Variants in PPP2R2B observed in about 807,000 individuals in gnomAD.
PPP2R2B encodes protein phosphatase 2 regulatory subunit Bbeta.
A neutral mutation model predicts 46.0 loss-of-function variants in PPP2R2B; 5 were observed. That is an observed-to-expected ratio of 0.11 (90% CI 0.06 to 0.23). PPP2R2B has a LOEUF of 0.23. PPP2R2B is among the 10% of genes least tolerant of loss of function. The pLI, the probability that PPP2R2B is intolerant of heterozygous loss-of-function variation, is 1.00. For missense variants in PPP2R2B, 367 were observed against 575.0 expected, an observed-to-expected ratio of 0.64 and a Z score of 3.70; for synonymous variants, 215 against 206.7, an observed-to-expected ratio of 1.04 and a Z score of -0.34.
intron 2 of PPP2R2B, among the ~76,000 whole-genome samples, chr5:146,869,747 G>C (rs559966290): frequency 6.6e-6 from 1 of 152,268 alleles, no homozygotes; most frequent in African/African-American, 2.4e-5. Context: ...AAGTAAGAAA[G>C]AATATAGTAT....
At chr5:146,831,068 T>C (rs1416981378) in intron 2 of PPP2R2B, among the ~76,000 whole-genome samples, 1 of 152,142 alleles carries the variant, frequency 6.6e-6, no homozygotes, top group East Asian at 1.9e-4. Flanking sequence ...GTAGAGCACA[T>C]ACCGTTATGT....
rs375880724 is a variant in PPP2R2B, at chr5:146,591,673, C to CAAA, written c.1052+1295_1052+1297dup. The stretch of plus-strand genomic sequence containing the variant: ...TTTAAACAAGTAAGAGATTATTTTC[C>CAAA]AAAAAAAAAAAAAAAAAGACTACCA... On this transcript the variant is annotated intron_variant, in intron 9 of 9. Coordinates refer to ENST00000394411, the MANE Select transcript of PPP2R2B (RefSeq NM_181675.4). 9.5e-3 allele frequency among the ~76,000 whole-genome samples: 689 copies of CAAA among 72,538 alleles called. 8 individuals carry two copies. The highest frequency in any genetic ancestry group is 0.028 in the African/African-American group (649 of 23,250). The allele number at this position is 72,538 out of a possible 152,430, so 47.6% of individuals were successfully genotyped here.
At chr5:146,617,797 C>T (rs1288201396) in intron 7 of PPP2R2B, among the ~76,000 whole-genome samples, 7 of 151,774 alleles carry the variant, frequency 4.6e-5, no homozygotes, top group Non-Finnish European at 7.4e-5. Context: ...TGGGTTCAAG[C>T]GATTCTTGTG....
At chr5:146,709,523 T>C (rs1490134404) in intron 2 of PPP2R2B, among the ~76,000 whole-genome samples, 1 of 152,336 alleles carries the variant, frequency 6.6e-6, no homozygotes. Context: ...GAAAGTCTAC[T>C]GGGGAAGCAG....
At position 146,753,623 on chromosome 5, in the gene PPP2R2B, G is replaced by A. The variant is rs115647120; in HGVS notation, c.71-52481C>T. On this transcript the variant is annotated intron_variant, in intron 2 of 9. Coordinates refer to ENST00000394411, the MANE Select transcript of PPP2R2B (RefSeq NM_181675.4). ...TTGGCAGCTTGAATGTAAGGAATTC[G>A]GTCTGATGCTCGGTTTTAAACTAAA... Among the ~76,000 whole-genome samples, 45 of 152,216 alleles carry A rather than the reference G, an allele frequency of 3.0e-4. 1 individual carries two copies. The highest frequency in any genetic ancestry group is 9.9e-4 in the African/African-American group (41 of 41,536).
chr5:146,916,132 C>T (rs574765916), intron 1 of PPP2R2B, among the ~76,000 whole-genome samples: 12 of 152,072 alleles, frequency 7.9e-5, no homozygotes, highest in African/African-American at 1.4e-4. Context: ...ATCTGACCCA[C>T]GGTTTGTACT....
intron 2 of PPP2R2B, among the ~76,000 whole-genome samples, chr5:146,722,701 C>T (rs767324155): frequency 4.6e-5 from 7 of 152,186 alleles, no homozygotes; most frequent in Non-Finnish European, 7.3e-5. Context: ...ATGAAAAAGC[C>T]TGCAATGCTG....
chr5:146,694,377 T>C (rs1779053344), intron 4 of PPP2R2B, among the ~76,000 whole-genome samples: 1 of 152,226 alleles, frequency 6.6e-6, no homozygotes, highest in Non-Finnish European at 1.5e-5. Context: ...CTTGATCAGC[T>C]GTGGCTTAGA....
At chr5:146,649,493 G>A (rs537001129) in intron 6 of PPP2R2B, among the ~76,000 whole-genome samples, 2 of 151,770 alleles carry the variant, frequency 1.3e-5, no homozygotes, top group Non-Finnish European at 2.9e-5. Context: ...CACCCAGACT[G>A]GAGTGCAGTG....
chr5:146,734,719 T>C (rs17105319), intron 2 of PPP2R2B, among the ~76,000 whole-genome samples: 13,286 of 152,176 alleles, frequency 0.087, 1,348 homozygotes, highest in African/African-American at 0.25. Flanking sequence ...TCAAATTGGA[T>C]AAAATCAATG....
intron 1 of PPP2R2B, among the ~76,000 whole-genome samples, chr5:146,963,114 C>T (rs918296696): frequency 6.6e-6 from 1 of 152,220 alleles, no homozygotes; most frequent in African/African-American, 2.4e-5. Flanking sequence ...AGCTACACCT[C>T]AAGCTCTTTG....
At chr5:146,646,101 T>C (rs1343603418) in intron 6 of PPP2R2B, among the ~76,000 whole-genome samples, 1 of 152,236 alleles carries the variant, frequency 6.6e-6, no homozygotes, top group Non-Finnish European at 1.5e-5. Context: ...TATCTCAGTT[T>C]GTAATTATAT....
rs149305421 is a variant in PPP2R2B at position 147,041,551 on chromosome 5, G to A, written c.79+14114C>T. On this transcript the variant is annotated intron_variant, in intron 1 of 8. Transcript: ENST00000336640. Reference sequence around the variant, plus strand: ...GGGAGGAGACTACGCAAAGTTCAGTGGTGCCATTTTTTTTTTAACTTTGTC... The same window carrying A: ...GGGAGGAGACTACGCAAAGTTCAGTAGTGCCATTTTTTTTTTAACTTTGTC... Among the ~76,000 whole-genome samples the A allele has an allele frequency of 4.0e-4, 61 of 152,020 alleles. No homozygotes were observed. In the East Asian group the frequency reaches 0.011, roughly 29 times the overall value.
intron 2 of PPP2R2B, among the ~76,000 whole-genome samples, chr5:146,803,357 A>G (rs1247744970): frequency 1.3e-5 from 2 of 152,190 alleles, no homozygotes; most frequent in African/African-American, 4.8e-5. Flanking sequence ...TATCAGCCAC[A>G]TTTGTTAACT....
intron 1 of PPP2R2B, among the ~76,000 whole-genome samples, chr5:146,988,989 T>C (rs938996911): frequency 7.9e-5 from 12 of 151,906 alleles, no homozygotes; most frequent in Non-Finnish European, 1.6e-4. Context: ...CGTAAATAAA[T>C]TGGTAAACCT....
chr5:146,975,395 CTATT>C (rs1201394200), intron 1 of PPP2R2B, among the ~76,000 whole-genome samples: 6 of 152,076 alleles, frequency 3.9e-5, no homozygotes, highest in Non-Finnish European at 8.8e-5. Flanking sequence ...TTTTGTTTAT[CTATT>C]CATCAGTCAG....
intron 1 of PPP2R2B, among the ~76,000 whole-genome samples, chr5:146,980,817 T>C (rs1753137746): frequency 6.6e-6 from 1 of 152,130 alleles, no homozygotes. Context: ...AGATTTCATA[T>C]ACATACATGT....
intron 2 of PPP2R2B, among the ~76,000 whole-genome samples, chr5:146,822,128 T>C (rs182380433): frequency 6.6e-6 from 1 of 152,334 alleles, no homozygotes; most frequent in Admixed American, 6.5e-5. Flanking sequence ...CTAAATATGC[T>C]TATTTTACAA....
At chr5:146,943,804 T>G (rs1764398083) in intron 1 of PPP2R2B, among the ~76,000 whole-genome samples, 1 of 152,230 alleles carries the variant, frequency 6.6e-6, no homozygotes, top group African/African-American at 2.4e-5. Flanking sequence ...TCAGATAAAA[T>G]GAAGACAATA....
Sources: allele counts gnomAD v4.1 joint callset (sites outside exome capture counted in the v4.1 genomes callset), GRCh38; gene constraint gnomAD v4.1.1; transcripts MANE v1.5; gene names NCBI Gene and HGNC (gene_info 2026-07-23, HGNC 2026-07-21).